Variants in LCOR observed in about 807,000 individuals in gnomAD.
LCOR encodes ligand-dependent corepressor.
A neutral mutation model predicts 64.4 loss-of-function variants in LCOR; 14 were observed. The ratio of observed to expected loss-of-function variants is 0.22; its 90% CI spans 0.14 to 0.34. LCOR has a LOEUF of 0.34. LCOR is among the 10% of genes least tolerant of loss of function. The pLI, the probability that LCOR is intolerant of heterozygous loss-of-function variation, is 1.00. For missense variants in LCOR, 1,686 were observed against 1,765.3 expected (o/e 0.96, Z 0.80); for synonymous variants, 643 against 642.5 (o/e 1.00, Z -0.01).
chr10:96,869,773 C>G (rs547734503), intron 2 of LCOR, among the ~76,000 whole-genome samples: 23 of 152,016 alleles, frequency 1.5e-4, no homozygotes, highest in Admixed American at 1.3e-4. Context: ...CAGGGTTTCT[C>G]CATGTTGGTC....
intron 2 of LCOR, among the ~76,000 whole-genome samples, chr10:96,863,205 T>TG (rs1845917468): frequency 7.2e-6 from 1 of 139,240 alleles, no homozygotes; most frequent in African/African-American, 2.9e-5. Flanking sequence ...TTTCTTTTTC[T>TG]GTTTTTTTTT....
At position 96,990,845 on chromosome 10, in the gene LCOR, G is replaced by A. The variant is rs1483632221; in HGVS notation, c.*5711G>A. 6.6e-6 allele frequency: 1 copy of A among 152,036 alleles called. No homozygotes were observed. Among genetic ancestry groups the A allele is most frequent in the Admixed American group, 6.5e-5 (1 of 15,278 alleles). 9.4% of individuals were successfully genotyped at this position (152,036 alleles called of 1,614,324 possible). On this transcript the variant is annotated 3_prime_UTR_variant, in exon 8 of 8. Coordinates refer to ENST00000421806, the MANE Select transcript of LCOR (RefSeq NM_001346516.2). ...GGCAGTTGTGTAGTTATGCTGCCGG[G>A]TGAGCACAGACACACATACTTTCTC...
intron 2 of LCOR, among the ~76,000 whole-genome samples, chr10:96,854,321 C>T (rs1313651771): frequency 6.6e-6 from 1 of 152,034 alleles, no homozygotes; most frequent in Non-Finnish European, 1.5e-5. Context: ...CATCAGAAAG[C>T]ATCAGTTTTC....
At chr10:96,942,851 C>T (rs900069634) in intron 4 of LCOR, among the ~76,000 whole-genome samples, 8 of 152,096 alleles carry the variant, frequency 5.3e-5, no homozygotes, top group African/African-American at 1.9e-4. Flanking sequence ...GAAATAAAGA[C>T]ATTAATTCAT....
rs760148082 is a variant in LCOR, at chr10:96,981,592, C to T, written c.1132C>T (p.Arg378Cys). The T allele has an allele frequency of 2.0e-5, 33 of 1,614,026 alleles. No homozygotes were observed. The highest frequency in any genetic ancestry group is 1.1e-4 in the East Asian group (5 of 44,892). The change falls in exon 8 of 8, where the codon CGC becomes TGC. Residue 378 changes from arginine (R) to cysteine (C), a missense_variant. By Grantham distance (180) the Arg-to-Cys change is radical. Around this residue, in one of 3 missense-constraint regions of LCOR, gnomAD observed 313 missense variants for 247.2 expected, o/e 1.27. Transcript: ENST00000421806. Reference sequence around the variant, plus strand: ...TTTACAGTGTCCAAAAACACCTTTGCGCCAGGATTTAGAGGCAAATGAACA... The same window carrying T: ...TTTACAGTGTCCAAAAACACCTTTGTGCCAGGATTTAGAGGCAAATGAACA... ...NTLQCPKTPL[R>C]QDLEANEQDA...
chr10:96,895,316 G>C (rs972369619), intron 2 of LCOR, among the ~76,000 whole-genome samples: 10 of 152,130 alleles, frequency 6.6e-5, no homozygotes, highest in African/African-American at 2.4e-4. Context: ...GACCAAAAGT[G>C]TAAGTGTCAT....
At position 96,989,695 on chromosome 10, in the gene LCOR, A is replaced by ATATATATATATATTTTTT. The variant is rs1371771053; in HGVS notation, c.*4562_*4563insATATATATATATTTTTTT. ...TAAGGATATATATATATATATATATATTTTTTTTTTTTTTTTTTTTTTTTA... is the reference window on the plus strand; with the variant it reads ...TAAGGATATATATATATATATATATATATATATATATATTTTTTTTTTTTTTTTTTTTTTTTTTTTTTA... On this transcript the variant is annotated 3_prime_UTR_variant, in exon 8 of 8. Coordinates refer to ENST00000421806, the MANE Select transcript of LCOR (RefSeq NM_001346516.2). 4 of 86,160 alleles carry ATATATATATATATTTTTT rather than the reference A, an allele frequency of 4.6e-5. No individual in the cohort carries two copies. Among genetic ancestry groups the ATATATATATATATTTTTT allele is most frequent in the African/African-American group, 1.9e-4 (3 of 16,170 alleles). The allele number at this position is 86,160 out of a possible 1,614,324, so 5.3% of individuals were successfully genotyped here. A position where few individuals can be genotyped will look rare whatever the true frequency, so the allele number is the denominator to read the frequency against.
chr10:96,912,810 AT>A (rs1846867595), intron 4 of LCOR, among the ~76,000 whole-genome samples: 2 of 152,086 alleles, frequency 1.3e-5, no homozygotes, highest in Admixed American at 6.5e-5. Flanking sequence ...TGTTGACCAA[AT>A]GATTTTCTAT....
chr10:96,950,927 CTTATAA>C (rs770036956), intron 6 of LCOR, among the ~76,000 whole-genome samples: 2 of 152,124 alleles, frequency 1.3e-5, no homozygotes, highest in Admixed American at 6.5e-5. Flanking sequence ...GTTCTATAAG[CTTATAA>C]TTATATTTTT....
chr10:96,856,250 T>A (rs1181962428), intron 2 of LCOR, among the ~76,000 whole-genome samples: 1 of 152,126 alleles, frequency 6.6e-6, no homozygotes, highest in African/African-American at 2.4e-5. Context: ...TTTTTGTATT[T>A]TTAGTAGAGA....
intron 2 of LCOR, among the ~76,000 whole-genome samples, chr10:96,893,060 C>G (rs1302330135): frequency 6.6e-6 from 1 of 152,040 alleles, no homozygotes; most frequent in East Asian, 1.9e-4. Flanking sequence ...TGATTCCCTT[C>G]TCATTTATTT....
intron 2 of LCOR, among the ~76,000 whole-genome samples, chr10:96,837,348 C>T (rs898288543): frequency 3.3e-5 from 5 of 151,958 alleles, no homozygotes; most frequent in Non-Finnish European, 2.9e-5. Context: ...CCTCCACCTC[C>T]CAGGTTTAAG....
intron 4 of LCOR, among the ~76,000 whole-genome samples, chr10:96,934,677 C>T (rs1481337322): frequency 6.6e-6 from 1 of 152,216 alleles, no homozygotes; most frequent in Non-Finnish European, 1.5e-5. Flanking sequence ...TCTTGGCTCA[C>T]TGCAACCTCC....
chr10:96,913,902 G>GA (rs112962978), intron 4 of LCOR, among the ~76,000 whole-genome samples: 271 of 138,966 alleles, frequency 2.0e-3, no homozygotes, highest in South Asian at 7.6e-3. Flanking sequence ...AGACTGTCTG[G>GA]AAAAAAAAAA....
chr10:96,869,702 G>A (rs1189319887), intron 2 of LCOR, among the ~76,000 whole-genome samples: 2 of 151,500 alleles, frequency 1.3e-5, no homozygotes, highest in South Asian at 4.2e-4. Flanking sequence ...AGCCTTCCAA[G>A]TAGCTGGGAT....
In LCOR at chr10:96,907,288, C is replaced by G; in HGVS notation, c.-306C>G. 1.0e-6 allele frequency: 1 copy of G among 981,220 alleles called. No homozygotes were observed. Among genetic ancestry groups the G allele is most frequent in the East Asian group, 1.1e-4 (1 of 8,784 alleles). 60.8% of individuals were successfully genotyped at this position (981,220 alleles called of 1,614,324 possible). On this transcript the variant is annotated 5_prime_UTR_variant, in exon 3 of 8. Coordinates refer to ENST00000421806, the MANE Select transcript of LCOR (RefSeq NM_001346516.2). ...AGGGTTTGAAAGTATTCTTGAAGGGCTGTTTGGACCTGCATTATTAAAAGA... is the reference window on the plus strand; with the variant it reads ...AGGGTTTGAAAGTATTCTTGAAGGGGTGTTTGGACCTGCATTATTAAAAGA...
intron 4 of LCOR, among the ~76,000 whole-genome samples, chr10:96,935,011 G>A (rs1847323630): frequency 6.6e-6 from 1 of 151,964 alleles, no homozygotes; most frequent in African/African-American, 2.4e-5. Flanking sequence ...TGGTTTTTGA[G>A]TTACAGAAGA....
intron 4 of LCOR, among the ~76,000 whole-genome samples, chr10:96,909,155 C>G (rs2134455034): frequency 6.6e-6 from 1 of 152,100 alleles, no homozygotes; most frequent in Middle Eastern, 3.4e-3. Context: ...TTAAATATTC[C>G]TACAAGGTTA....
chr10:96,869,747 G>A (rs1277716797), intron 2 of LCOR, among the ~76,000 whole-genome samples: 1 of 151,706 alleles, frequency 6.6e-6, no homozygotes, highest in African/African-American at 2.4e-5. Context: ...GCTATTTTTT[G>A]TATTTTTAGT....
Sources: gnomAD v4.1 joint callset for allele counts (sites outside exome capture counted in the v4.1 genomes callset) on GRCh38, gnomAD v4.1.1 for gene constraint, gnomAD v4.1.1 regional missense constraint, MANE v1.5 for transcripts, NCBI Gene and HGNC (gene_info 2026-07-23, HGNC 2026-07-21) for gene names.